Variants in ESRRB observed in about 807,000 individuals in gnomAD.
ESRRB encodes the protein estrogen related receptor beta, also known as steroid hormone receptor ERR2.
Under a neutral mutation model 46.0 loss-of-function variants are expected in ESRRB, and 16 were observed. The observed-to-expected ratio is 0.35, with a 90% CI of 0.24 to 0.53. The LOEUF is 0.53. Among genes scored for constraint, ESRRB ranks in the 20% least tolerant of loss-of-function variants. ESRRB has a pLI of 0.93. For missense variants in ESRRB, 488 were observed against 607.4 expected (o/e 0.80, Z 2.07); for synonymous variants, 246 against 259.6 (o/e 0.95, Z 0.50).
intron 3 of ESRRB, 144 bp downstream of exon 3, chr14:76,462,805 A>C (rs1389797651): frequency 2.7e-6 from 2 of 748,544 alleles, no homozygotes; most frequent in African/African-American, 3.4e-5. Context: ...ACACCCTGCC[A>C]GCCTGCCACG....
intron 1 of ESRRB, among the ~76,000 whole-genome samples, chr14:76,426,022 A>AG (rs1887184348): frequency 6.6e-6 from 1 of 152,214 alleles, no homozygotes; most frequent in African/African-American, 2.4e-5. Flanking sequence ...TTATCATGTT[A>AG]GGGGGGATGA....
intron 1 of ESRRB, among the ~76,000 whole-genome samples, chr14:76,317,242 C>A (rs965597343): frequency 7.9e-5 from 12 of 151,264 alleles, no homozygotes; most frequent in African/African-American, 2.7e-4. Context: ...CTGGCTAAGA[C>A]AATTGATTAG....
At chr14:76,320,546 C>T (rs1480226247) in intron 1 of ESRRB, among the ~76,000 whole-genome samples, 2 of 152,216 alleles carry the variant, frequency 1.3e-5, no homozygotes. Flanking sequence ...CATGGTGGGC[C>T]CATCTCCCAG....
At chr14:76,396,680 C>T (rs941482091) in intron 1 of ESRRB, among the ~76,000 whole-genome samples, 1 of 152,264 alleles carries the variant, frequency 6.6e-6, no homozygotes, top group African/African-American at 2.4e-5. Context: ...TGCCCACCTG[C>T]TCCCCTGGTC....
chr14:76,466,508 G>A (rs1314875267), intron 3 of ESRRB, among the ~76,000 whole-genome samples: 5 of 152,146 alleles, frequency 3.3e-5, no homozygotes, highest in Non-Finnish European at 7.4e-5. Flanking sequence ...CCACGTCCCT[G>A]TGACTTTCTC....
At chr14:76,438,202 G>C (rs987716823) in intron 1 of ESRRB, among the ~76,000 whole-genome samples, 4 of 152,124 alleles carry the variant, frequency 2.6e-5, no homozygotes, top group Admixed American at 1.3e-4. Flanking sequence ...AACCCAAAGG[G>C]CAGCCAATCT....
intron 1 of ESRRB, among the ~76,000 whole-genome samples, chr14:76,437,508 A>G (rs1055811734): frequency 6.6e-6 from 1 of 152,310 alleles, no homozygotes; most frequent in Middle Eastern, 3.4e-3. Context: ...GCCACCCAAG[A>G]GTCGTCTTTC....
chr14:76,376,627 T>C lies in ESRRB; in HGVS notation c.50+176T>C, dbSNP rs1884776858. Among the ~76,000 whole-genome samples the C allele has an allele frequency of 6.6e-6, 1 of 152,182 alleles. No individual in the cohort carries two copies. The highest frequency in any genetic ancestry group is 1.5e-5 in the Non-Finnish European group (1 of 68,032). The stretch of plus-strand genomic sequence containing the variant: ...CACTTCTGGGTTTCTTTCTAGGGCA[T>C]AAACCCTCCTCTAACTTTTTCCCGC... On this transcript the variant is annotated intron_variant, in intron 1 of 6. Transcript: ENST00000644823. This position sits in a 1 kb window ranked among gnomAD's most constrained non-coding sequence, Gnocchi z 4.1.
At chr14:76,421,989 A>G (rs1414237643) in intron 1 of ESRRB, among the ~76,000 whole-genome samples, 2 of 152,202 alleles carry the variant, frequency 1.3e-5, no homozygotes, top group East Asian at 1.9e-4. Flanking sequence ...TGATCGAGCC[A>G]GCAGGCTGTT....
intron 1 of ESRRB, among the ~76,000 whole-genome samples, chr14:76,356,363 A>G (rs150623419): frequency 8.8e-4 from 134 of 152,158 alleles, no homozygotes; most frequent in African/African-American, 3.0e-3. Context: ...TAATCTCACA[A>G]TCACTCTAGG....
intron 1 of ESRRB, among the ~76,000 whole-genome samples, chr14:76,333,141 AT>A (rs1566853835): frequency 4.6e-4 from 3 of 6,564 alleles, no homozygotes; most frequent in Non-Finnish European, 8.8e-4. Flanking sequence ...TATATTATAT[AT>A]TATATATTAT....
At chr14:76,439,292 C>G in intron 1 of ESRRB, 49 bp from the exon 2 acceptor site, 2 of 1,610,248 alleles carry the variant, frequency 1.2e-6, no homozygotes, top group Non-Finnish European at 1.7e-6. Flanking sequence ...ACCCGCCCAC[C>G]ACACCCACAG....
At chr14:76,328,439 C>T (rs1214822556) in intron 1 of ESRRB, among the ~76,000 whole-genome samples, 1 of 152,168 alleles carries the variant, frequency 6.6e-6, no homozygotes, top group East Asian at 1.9e-4. Flanking sequence ...TCAATGCCCC[C>T]AATCCACACA....
intron 3 of ESRRB, among the ~76,000 whole-genome samples, chr14:76,467,887 C>T (rs369830357): frequency 7.2e-5 from 11 of 152,268 alleles, no homozygotes; most frequent in African/African-American, 2.2e-4. Flanking sequence ...ACCTCCCTCA[C>T]GCGACCGGCC....
chr14:76,383,818 G>T (rs1002643620), intron 1 of ESRRB, among the ~76,000 whole-genome samples: 2 of 152,098 alleles, frequency 1.3e-5, no homozygotes, highest in Non-Finnish European at 2.9e-5. Flanking sequence ...ATTCATGGCC[G>T]CTGGCTGGCT....
chr14:76,392,803 G>A (rs117886352), intron 1 of ESRRB, among the ~76,000 whole-genome samples: 87 of 152,324 alleles, frequency 5.7e-4, no homozygotes, highest in Non-Finnish European at 9.6e-4. Context: ...TTCATGCTGT[G>A]CCAAGAGAAG....
intron 1 of ESRRB, among the ~76,000 whole-genome samples, chr14:76,334,684 T>C (rs889645584): frequency 1.1e-4 from 16 of 152,130 alleles, no homozygotes; most frequent in East Asian, 1.9e-4. Context: ...TAAAGATGTC[T>C]CCCCAACTTC....
intron 1 of ESRRB, among the ~76,000 whole-genome samples, chr14:76,380,759 C>T (rs1474564468): frequency 6.6e-6 from 1 of 152,162 alleles, no homozygotes; most frequent in East Asian, 1.9e-4. Context: ...GGAGCCCCAG[C>T]TTGACTTGAA....
At chr14:76,490,952 G>A (rs1321057989) in intron 5 of ESRRB, among the ~76,000 whole-genome samples, 1 of 152,098 alleles carries the variant, frequency 6.6e-6, no homozygotes, top group Non-Finnish European at 1.5e-5. Flanking sequence ...GGTCAGGCCC[G>A]TGGGTCTCTG....
Sources: gnomAD v4.1 joint callset for allele counts (sites outside exome capture counted in the v4.1 genomes callset) on GRCh38, gnomAD v4.1.1 for gene constraint, Gnocchi (gnomAD v3.1) non-coding constraint, MANE v1.5 for transcripts, NCBI Gene and HGNC (gene_info 2026-07-23, HGNC 2026-07-21) for gene names.